Variants in NT5DC1 observed in about 807,000 individuals in gnomAD.
The protein encoded by NT5DC1 is 5'-nucleotidase domain-containing protein 1.
A neutral mutation model predicts 59.4 loss-of-function variants in NT5DC1; 42 were observed. The observed-to-expected ratio is 0.71, with a 90% CI of 0.55 to 0.92. NT5DC1 has a LOEUF of 0.92. Ranked by LOEUF, NT5DC1 falls within the 40% of genes least tolerant of loss-of-function variation. The pLI is 0.00. For missense variants in NT5DC1, 501 were observed against 537.1 expected (o/e 0.93, Z 0.66); for synonymous variants, 172 against 188.1 (o/e 0.91, Z 0.70).
At chr6:116,137,315 A>G (rs1412177707) in intron 6 of NT5DC1, 1 of 162,186 alleles carries the variant, frequency 6.2e-6, no homozygotes, top group Non-Finnish European at 1.4e-5. Flanking sequence ...TATACTTGGC[A>G]TAGGGTGCAG....
chr6:116,162,280 C>T (rs374997779), intron 6 of NT5DC1, among the ~76,000 whole-genome samples: 1 of 152,240 alleles, frequency 6.6e-6, no homozygotes, highest in East Asian at 1.9e-4. Flanking sequence ...CTTTCTCCTG[C>T]CTGATTGCTC....
At chr6:116,161,732 AT>A (rs1373770251) in intron 6 of NT5DC1, among the ~76,000 whole-genome samples, 3 of 152,124 alleles carry the variant, frequency 2.0e-5, no homozygotes, top group African/African-American at 7.2e-5. Flanking sequence ...TTCCATATGA[AT>A]TTTATAATTG....
At chr6:116,227,781 G>C (rs1204806) in intron 8 of NT5DC1, among the ~76,000 whole-genome samples, 49,365 of 151,932 alleles carry the variant, frequency 0.32, 9,755 homozygotes, top group African/African-American at 0.56. Context: ...TGTCTATTCA[G>C]GTCCTTTGCT....
At chr6:116,131,262 T>C (rs1414191653) in intron 6 of NT5DC1, among the ~76,000 whole-genome samples, 1 of 152,164 alleles carries the variant, frequency 6.6e-6, no homozygotes, top group African/African-American at 2.4e-5. Context: ...ATTTCTGAAG[T>C]CAAATTTATA....
chr6:116,102,214 GGCACCCGCCAGTTCCT>G (rs71798241), intron 1 of NT5DC1, among the ~76,000 whole-genome samples: 3,773 of 152,262 alleles, frequency 0.025, 151 homozygotes, highest in African/African-American at 0.085. Context: ...CCCCATTATG[GGCACCCGCCAGTTCCT>G]GCACCCACCA....
intron 6 of NT5DC1, among the ~76,000 whole-genome samples, chr6:116,165,890 C>T (rs545995601): frequency 6.6e-6 from 1 of 152,214 alleles, no homozygotes; most frequent in Non-Finnish European, 1.5e-5. Flanking sequence ...ATTCCCCATG[C>T]AGGGTAGTAG....
chr6:116,173,564 G>A (rs932539647), intron 6 of NT5DC1, among the ~76,000 whole-genome samples: 7 of 152,194 alleles, frequency 4.6e-5, no homozygotes, highest in Middle Eastern at 3.4e-3. Context: ...GAGCGAGGGC[G>A]AGTGTGCTCC....
chr6:116,176,402 G>A (rs1301367411), intron 6 of NT5DC1, among the ~76,000 whole-genome samples: 2 of 152,184 alleles, frequency 1.3e-5, no homozygotes, highest in African/African-American at 2.4e-5. Context: ...TTCTGGCTCA[G>A]TCTCAGCCTT....
At chr6:116,156,306 T>TA (rs969230860) in intron 6 of NT5DC1, among the ~76,000 whole-genome samples, 13 of 152,112 alleles carry the variant, frequency 8.5e-5, no homozygotes, top group Admixed American at 3.9e-4. Context: ...TTTTTGGAGT[T>TA]AAAAAAAATT....
intron 6 of NT5DC1, among the ~76,000 whole-genome samples, chr6:116,154,227 A>G (rs1780123875): frequency 6.6e-6 from 1 of 152,136 alleles, no homozygotes; most frequent in African/African-American, 2.4e-5. Flanking sequence ...AATGTGTGAA[A>G]TTTAAAAATA....
rs762104946 is a variant in NT5DC1 at position 116,193,275 on chromosome 6, T to C, written c.530-27779T>C. 2.3e-4 allele frequency among the ~76,000 whole-genome samples: 35 copies of C among 152,108 alleles called. 1 individual carries two copies. The highest frequency in any genetic ancestry group is 1.0e-4 in the Non-Finnish European group (7 of 67,970). ...CAGTAATAAATAAGAAGTGGAGATA[T>C]TGTGCTTTCCTTATAGGAGTGCTGT... On this transcript the variant is annotated intron_variant, in intron 6 of 11. Transcript: ENST00000319550.
At chr6:116,101,873 G>T (rs1464336075) in intron 1 of NT5DC1, among the ~76,000 whole-genome samples, 1 of 152,176 alleles carries the variant, frequency 6.6e-6, no homozygotes, top group Non-Finnish European at 1.5e-5. Flanking sequence ...AAAAAGAGCT[G>T]GTTATGAGTA....
At chr6:116,109,154 A>C (rs1268557680) in intron 3 of NT5DC1, among the ~76,000 whole-genome samples, 1 of 152,116 alleles carries the variant, frequency 6.6e-6, no homozygotes, top group Non-Finnish European at 1.5e-5. Context: ...CATGGCTATG[A>C]AGCTATACCA....
chr6:116,230,243 AT>A (rs1384586173), intron 8 of NT5DC1, among the ~76,000 whole-genome samples: 4 of 151,914 alleles, frequency 2.6e-5, no homozygotes, highest in African/African-American at 9.7e-5. Flanking sequence ...TTTTTTTATT[AT>A]TTACTTAGGC....
chr6:116,202,917 G>C (rs1019915587), intron 6 of NT5DC1, among the ~76,000 whole-genome samples: 1 of 151,902 alleles, frequency 6.6e-6, no homozygotes, highest in African/African-American at 2.4e-5. Flanking sequence ...AATATTACTA[G>C]GGGTAATGTA....
chr6:116,153,353 A>G (rs2114403402), intron 6 of NT5DC1, among the ~76,000 whole-genome samples: 1 of 152,168 alleles, frequency 6.6e-6, no homozygotes, highest in Non-Finnish European at 1.5e-5. Flanking sequence ...TTTCACAAAC[A>G]TCTTGAGGGT....
intron 6 of NT5DC1, among the ~76,000 whole-genome samples, chr6:116,207,001 C>T (rs2114519675): frequency 6.6e-6 from 1 of 151,212 alleles, no homozygotes; most frequent in Admixed American, 6.6e-5. Flanking sequence ...TGACATCTTT[C>T]CTTTTAAAAA....
intron 3 of NT5DC1, among the ~76,000 whole-genome samples, chr6:116,108,881 T>G (rs1209657126): frequency 6.6e-6 from 1 of 152,200 alleles, no homozygotes; most frequent in African/African-American, 2.4e-5. Flanking sequence ...AATTTGGCCC[T>G]GTCATGCAGG....
chr6:116,182,739 T>G (rs1263582480), intron 6 of NT5DC1, among the ~76,000 whole-genome samples: 7 of 151,992 alleles, frequency 4.6e-5, no homozygotes, highest in Non-Finnish European at 1.0e-4. Flanking sequence ...GATTGTTTGT[T>G]TTTTTCTTGC....
Sources: gnomAD v4.1 joint callset for allele counts (sites outside exome capture counted in the v4.1 genomes callset) on GRCh38, gnomAD v4.1.1 for gene constraint, MANE v1.5 for transcripts, NCBI Gene and HGNC (gene_info 2026-07-23, HGNC 2026-07-21) for gene names.